Variants in RNF144A observed in about 807,000 individuals in gnomAD.
RNF144A encodes E3 ubiquitin-protein ligase RNF144A.
Under a neutral mutation model 38.7 loss-of-function variants are expected in RNF144A, and 11 were observed. The ratio of observed to expected loss-of-function variants is 0.28; its 90% CI spans 0.18 to 0.47. The LOEUF (loss-of-function observed/expected upper bound fraction) is 0.47, where lower values mean the gene tolerates loss of function less well. Ranked by LOEUF, RNF144A falls within the 20% of genes least tolerant of loss-of-function variation. The pLI, the probability that RNF144A is intolerant of heterozygous loss-of-function variation, is 0.99. For missense variants in RNF144A, 316 were observed against 377.2 expected, an observed-to-expected ratio of 0.84 and a Z score of 1.34; for synonymous variants, 149 against 143.9, an observed-to-expected ratio of 1.04 and a Z score of -0.25.
chr2:7,020,689 T>G lies in RNF144A; in HGVS notation c.509+9T>G, dbSNP rs779455326. 11 of 1,598,446 alleles carry G rather than the reference T, an allele frequency of 6.9e-6. No homozygotes were observed. The Admixed American group carries it at 8.3e-5, about 12-fold the overall frequency. On this transcript the variant is annotated intron_variant, in intron 6 of 8. Coordinates refer to ENST00000320892, the MANE Select transcript of RNF144A (RefSeq NM_014746.6). Reference sequence around the variant, plus strand: ...CTCCCCGGGGAGACCAGGTACCCTTTGTACACAAGCTGCCACCAAAGGCAT... The same window carrying G: ...CTCCCCGGGGAGACCAGGTACCCTTGGTACACAAGCTGCCACCAAAGGCAT...
chr2:6,982,393 G>A (rs1235620363), intron 2 of RNF144A, among the ~76,000 whole-genome samples: 4 of 152,158 alleles, frequency 2.6e-5, no homozygotes, highest in Non-Finnish European at 4.4e-5. Context: ...CATGGTTGTG[G>A]AAGAGGAATT....
chr2:6,923,735 T>C (rs1664690297), intron 1 of RNF144A, among the ~76,000 whole-genome samples: 1 of 151,846 alleles, frequency 6.6e-6, no homozygotes, highest in Non-Finnish European at 1.5e-5. Context: ...CCCAGGTGCC[T>C]GCGTTCTCTC....
rs531851596 is a variant in RNF144A at position 7,021,907 on chromosome 2, G to A, written c.509+1227G>A. Among the ~76,000 whole-genome samples, 3 of 152,330 alleles carry A rather than the reference G, an allele frequency of 2.0e-5. No homozygotes were observed. In the South Asian group the frequency reaches 6.2e-4, roughly 32 times the overall value. On this transcript the variant is annotated intron_variant, in intron 6 of 8. Coordinates refer to ENST00000320892, the MANE Select transcript of RNF144A (RefSeq NM_014746.6). ...CCTGATGACTTAGTTTTCTTTATCT[G>A]TGACATTCTAGTCTCATTTAAATTA...
intron 1 of RNF144A, chr2:6,918,610 A>C (rs1463469960): frequency 1.3e-5 from 2 of 150,968 alleles, no homozygotes; most frequent in East Asian, 3.9e-4. Context: ...TAAAAATACA[A>C]AAAATTAGCC....
chr2:6,978,986 C>T (rs771652783), intron 2 of RNF144A: 16 of 152,686 alleles, frequency 1.0e-4, no homozygotes, highest in Non-Finnish European at 2.2e-4. Flanking sequence ...TCTGGGCTGC[C>T]TCTCTGTCTC....
At chr2:7,036,146 C>T (rs955172242) in intron 8 of RNF144A, among the ~76,000 whole-genome samples, 7 of 152,176 alleles carry the variant, frequency 4.6e-5, no homozygotes, top group South Asian at 2.1e-4. Flanking sequence ...AAGTGCTTGC[C>T]GGCCTTTTTC....
chr2:6,945,657 G>A (rs1175809298), intron 2 of RNF144A, among the ~76,000 whole-genome samples: 1 of 152,090 alleles, frequency 6.6e-6, no homozygotes, highest in East Asian at 1.9e-4. Context: ...GAGGCTCCCA[G>A]GATAAATGAG....
chr2:6,977,745 T>C (rs926544016), intron 2 of RNF144A, among the ~76,000 whole-genome samples: 5 of 152,196 alleles, frequency 3.3e-5, no homozygotes, highest in African/African-American at 1.2e-4. Flanking sequence ...TGTTATAAAT[T>C]CTTGGGATAG....
chr2:7,011,687 G>A (rs1670819216), intron 3 of RNF144A, among the ~76,000 whole-genome samples: 1 of 152,188 alleles, frequency 6.6e-6, no homozygotes, highest in Admixed American at 6.5e-5. Flanking sequence ...CTTTTAGGCT[G>A]TGTATTTTAC....
chr2:7,043,970 A>G lies in RNF144A; in HGVS notation c.*4210A>G. 7.1e-6 allele frequency: 7 copies of G among 985,918 alleles called. No individual in the cohort carries two copies. The highest frequency in any genetic ancestry group is 8.4e-6 in the Non-Finnish European group (7 of 829,930). The allele number at this position is 985,918 out of a possible 1,614,324, so 61.1% of individuals were successfully genotyped here. ...ATTTGTGTTTTTGAAATGTCAGTACATTTTGTGCCACTAACACTGTGATGT... is the reference window on the plus strand; with the variant it reads ...ATTTGTGTTTTTGAAATGTCAGTACGTTTTGTGCCACTAACACTGTGATGT... On this transcript the variant is annotated 3_prime_UTR_variant, in exon 9 of 9. Coordinates refer to ENST00000320892, the MANE Select transcript of RNF144A (RefSeq NM_014746.6).
Position 7,029,442 on chromosome 2 carries a change from C to T in RNF144A, c.658-684C>T, listed in dbSNP as rs147261923. On this transcript the variant is annotated intron_variant, in intron 7 of 8. Transcript: ENST00000320892. ...CAGGAAATGGAGGTGGGGTGGAGAA[C>T]GCCTGGAGGGAGGCGTCCACAGGTG... is the stretch of plus-strand genomic sequence containing the variant. 5.7e-3 allele frequency among the ~76,000 whole-genome samples: 869 copies of T among 152,270 alleles called. 2 individuals carry two copies. Among genetic ancestry groups the T allele is most frequent in the African/African-American group, 0.02 (823 of 41,552 alleles).
Position 7,029,765 on chromosome 2 carries a change from C to G in RNF144A, c.658-361C>G, listed in dbSNP as rs1435244584. ...AGCTCTTTGGAGCAGCAGTGACCTG[C>G]GTGTTCAGTAGCCCTTTGTCCCCAT... On this transcript the variant is annotated intron_variant, in intron 7 of 8. Transcript: ENST00000320892. Among the ~76,000 whole-genome samples, 14 of 152,224 alleles carry G rather than the reference C, an allele frequency of 9.2e-5. 1 individual carries two copies. The highest frequency in any genetic ancestry group is 8.5e-4 in the Admixed American group (13 of 15,290).
intron 2 of RNF144A, among the ~76,000 whole-genome samples, chr2:6,986,329 C>T (rs940378012): frequency 6.6e-6 from 1 of 151,926 alleles, no homozygotes; most frequent in Non-Finnish European, 1.5e-5. Context: ...ATTATGTCTT[C>T]TTCCATTAGC....
intron 6 of RNF144A, among the ~76,000 whole-genome samples, chr2:7,060,489 C>CT (rs1468959641): frequency 1.3e-5 from 2 of 152,202 alleles, no homozygotes; most frequent in Non-Finnish European, 2.9e-5. Flanking sequence ...TTCAGACAGA[C>CT]TAACATTCCA....
intron 2 of RNF144A, among the ~76,000 whole-genome samples, chr2:6,987,732 C>T (rs58355408): frequency 2.9e-3 from 445 of 152,300 alleles, no homozygotes; most frequent in African/African-American, 0.01. Flanking sequence ...GCCCTGTGCT[C>T]AGAAGGTGGG....
intron 3 of RNF144A, among the ~76,000 whole-genome samples, chr2:7,009,977 C>T (rs1670688418): frequency 6.6e-6 from 1 of 152,326 alleles, no homozygotes; most frequent in Non-Finnish European, 1.5e-5. Context: ...TTTGATTCAT[C>T]CCTTGCTATT....
rs552149417 is a variant in RNF144A at position 6,937,000 on chromosome 2, A to C, written c.-211-3948A>C. Among the ~76,000 whole-genome samples the C allele has an allele frequency of 2.6e-5, 4 of 152,226 alleles. No individual in the cohort carries two copies. In the South Asian group the frequency reaches 8.3e-4, roughly 32 times the overall value. On this transcript the variant is annotated intron_variant, in intron 1 of 8. Coordinates refer to ENST00000320892, the MANE Select transcript of RNF144A (RefSeq NM_014746.6). ...CTGTCTGAGCACATGGTCGGGGTGCAAGAAAAGGTTGAGTGCGTGAACATT... is the reference window on the plus strand; with the variant it reads ...CTGTCTGAGCACATGGTCGGGGTGCCAGAAAAGGTTGAGTGCGTGAACATT...
chr2:6,937,740 GC>G (rs1193537171), intron 1 of RNF144A, among the ~76,000 whole-genome samples: 1 of 152,188 alleles, frequency 6.6e-6, no homozygotes, highest in Non-Finnish European at 1.5e-5. Context: ...TCTGTGCACG[GC>G]CAGGTGATGT....
intron 8 of RNF144A, among the ~76,000 whole-genome samples, chr2:7,037,976 ACT>A (rs1672791633): frequency 6.6e-6 from 1 of 152,046 alleles, no homozygotes. Flanking sequence ...CTGGGTTGGG[ACT>A]CTGTGAATGG....
Sources: allele counts gnomAD v4.1 joint callset (sites outside exome capture counted in the v4.1 genomes callset), GRCh38; gene constraint gnomAD v4.1.1; transcripts MANE v1.5; gene names NCBI Gene and HGNC (gene_info 2026-07-23, HGNC 2026-07-21).